MAP4K3: variants seen among roughly 807,000 people sequenced by gnomAD.
The protein encoded by MAP4K3 is mitogen-activated protein kinase kinase kinase kinase 3, also known as MAPK/ERK kinase kinase kinase 3.
Under a neutral mutation model 143.5 loss-of-function variants are expected in MAP4K3, and 94 were observed. The observed-to-expected ratio is 0.65, with a 90% CI of 0.55 to 0.78. MAP4K3 has a LOEUF of 0.78. Among genes scored for constraint, MAP4K3 ranks in the 30% least tolerant of loss-of-function variants. The pLI is 0.00. For synonymous variants in MAP4K3, 416 were observed against 347.2 expected, an observed-to-expected ratio of 1.20 and a Z score of -2.20; for missense variants, 1,077 against 1,068.1, an observed-to-expected ratio of 1.01 and a Z score of -0.12.
intron 4 of MAP4K3, among the ~76,000 whole-genome samples, chr2:39,342,215 T>C (rs1665164264): frequency 6.6e-6 from 1 of 151,990 alleles, no homozygotes; most frequent in Non-Finnish European, 1.5e-5. Context: ...CTTGGCTCAC[T>C]GCAACCTCCG....
At chr2:39,326,655 A>G (rs1454275540) in intron 8 of MAP4K3, among the ~76,000 whole-genome samples, 1 of 152,196 alleles carries the variant, frequency 6.6e-6, no homozygotes, top group Admixed American at 6.5e-5. Flanking sequence ...GGGCAGGGGC[A>G]GAATGATATG....
At chr2:39,257,680 T>C (rs528743093) in intron 31 of MAP4K3, among the ~76,000 whole-genome samples, 2 of 149,998 alleles carry the variant, frequency 1.3e-5, no homozygotes, top group South Asian at 4.2e-4. Flanking sequence ...GCGCCTGTAA[T>C]CCCAGCTACT....
In MAP4K3 at chr2:39,325,773, G is replaced by A. The variant is rs182117796; in HGVS notation, c.764C>T (p.Thr255Ile). ...AGTAGGTCTTTTTTTCGGATTTTTG[G>A]TAAGTGCCATTTTCACAAAGTGATG... is the stretch of plus-strand genomic sequence containing the variant. ...SFHHFVKMALTKNPKKRPTAE... is the reference protein window; with the variant it reads ...SFHHFVKMALIKNPKKRPTAE... The change falls in exon 11 of 34, where the codon ACC (threonine) becomes ATC (isoleucine). Residue 255 changes from threonine to isoleucine, a missense_variant. Physicochemically the swap from Thr to Ile is moderately conservative, Grantham distance 89. This residue lies in a region of MAP4K3 where 864 missense variants were observed against 801.2 expected (regional missense o/e 1.08). Coordinates refer to ENST00000263881, the MANE Select transcript of MAP4K3 (RefSeq NM_003618.4). 9.3e-6 allele frequency: 15 copies of A among 1,609,676 alleles called. No individual in the cohort carries two copies. The highest frequency in any genetic ancestry group is 1.3e-5 in the Non-Finnish European group (15 of 1,178,412).
At chr2:39,369,019 A>AT (rs897837071) in intron 2 of MAP4K3, among the ~76,000 whole-genome samples, 2 of 152,026 alleles carry the variant, frequency 1.3e-5, no homozygotes, top group African/African-American at 4.8e-5. Context: ...CCCTCTGCAC[A>AT]TAACTCAAGC....
At chr2:39,368,843 C>T (rs1665997312) in intron 2 of MAP4K3, among the ~76,000 whole-genome samples, 2 of 152,132 alleles carry the variant, frequency 1.3e-5, no homozygotes, top group South Asian at 4.1e-4. Context: ...TAAACCACAG[C>T]TGTATAAAAC....
intron 14 of MAP4K3, 130 bp downstream of exon 14, chr2:39,309,331 A>G: frequency 1.6e-6 from 1 of 627,414 alleles, no homozygotes; most frequent in Non-Finnish European, 2.7e-6. Context: ...TACTATGTTG[A>G]CCAGGCTGGG....
chr2:39,326,715 T>C (rs1452347208), intron 8 of MAP4K3, among the ~76,000 whole-genome samples: 2 of 152,130 alleles, frequency 1.3e-5, no homozygotes, highest in Non-Finnish European at 2.9e-5. Flanking sequence ...GTAATCCCCA[T>C]GTGTTGAGGG....
chr2:39,279,235 T>C (rs781568171), intron 23 of MAP4K3, among the ~76,000 whole-genome samples: 2 of 152,162 alleles, frequency 1.3e-5, no homozygotes, highest in Non-Finnish European at 2.9e-5. Context: ...CTGAGAACAG[T>C]ATAGAATGCT....
At position 39,373,845 on chromosome 2, in the gene MAP4K3, AC is replaced by A. The variant is rs1339815000; in HGVS notation, c.154+4220del. Among the ~76,000 whole-genome samples the A allele has an allele frequency of 4.6e-5, 7 of 152,180 alleles. No homozygotes were observed. In the East Asian group the frequency reaches 1.3e-3, roughly 29 times the overall value. On this transcript the variant is annotated intron_variant, in intron 2 of 33. Transcript: ENST00000263881. ...AGGGATTTGGAGATGGTTAATTGGT[AC>A]AAAAAATTAGAAAGAATGAATAAGC...
chr2:39,423,445 G>A (rs1664954961), intron 1 of MAP4K3, among the ~76,000 whole-genome samples: 1 of 152,174 alleles, frequency 6.6e-6, no homozygotes, highest in Non-Finnish European at 1.5e-5. Context: ...GAAAATTTAT[G>A]TCCATATAAA....
At position 39,437,211 on chromosome 2, in the gene MAP4K3, G is replaced by A. The variant is rs1665523842; in HGVS notation, c.-224C>T. On this transcript the variant is annotated 5_prime_UTR_variant, in exon 1 of 34. Coordinates refer to ENST00000263881, the MANE Select transcript of MAP4K3 (RefSeq NM_003618.4). ...GCCCCCCGCGGCCCGCCGCCGCGCC[G>A]AACCTGGTCACACCCACAAGGAGAG... The A allele has an allele frequency of 3.1e-6, 1 of 327,676 alleles. No homozygotes were observed. The highest frequency in any genetic ancestry group is 5.5e-6 in the Non-Finnish European group (1 of 183,210). 20.3% of individuals were successfully genotyped at this position (327,676 alleles called of 1,614,324 possible).
In MAP4K3 at chr2:39,272,337, T is replaced by C; in HGVS notation, c.1919A>G (p.Gln640Arg). The change falls in exon 26 of 34, where the codon CAA (glutamine) becomes CGA (arginine). Residue 640 changes from glutamine to arginine, a missense_variant. Transcript: ENST00000263881. ...PGLFDYARQM[Q>R]KLPVAIPAHK... ...TGCTGGAATAGCAACAGGTAACTTT[T>C]GCATTTGTCTTGCATAATCAAAAAG... 6.2e-7 allele frequency: 1 copy of C among 1,613,904 alleles called. No homozygotes were observed. The highest frequency in any genetic ancestry group is 8.5e-7 in the Non-Finnish European group (1 of 1,179,882).
chr2:39,267,323 G>A (rs1680806979), intron 26 of MAP4K3, 76 bp from the exon 27 acceptor site: 2 of 1,139,616 alleles, frequency 1.8e-6, no homozygotes, highest in Non-Finnish European at 2.7e-6. Context: ...TTATAGATCA[G>A]TGCACAAAGG....
intron 1 of MAP4K3, among the ~76,000 whole-genome samples, chr2:39,392,921 C>A (rs1386641307): frequency 2.0e-5 from 3 of 152,140 alleles, no homozygotes; most frequent in African/African-American, 7.2e-5. Context: ...CCAAATAAAT[C>A]TTTGATCTTT....
intron 28 of MAP4K3, among the ~76,000 whole-genome samples, chr2:39,264,411 TATG>T (rs1354008796): frequency 5.3e-5 from 8 of 152,226 alleles, no homozygotes; most frequent in Non-Finnish European, 1.0e-4. Context: ...GTAAAACTGA[TATG>T]AAAACGAAAA....
At chr2:39,414,516 C>T (rs1667315701) in intron 1 of MAP4K3, among the ~76,000 whole-genome samples, 1 of 152,158 alleles carries the variant, frequency 6.6e-6, no homozygotes, top group South Asian at 2.1e-4. Flanking sequence ...ACCCCCACTA[C>T]CACCTGCTTG....
intron 1 of MAP4K3, among the ~76,000 whole-genome samples, chr2:39,415,752 G>A (rs1399847874): frequency 6.6e-6 from 1 of 150,976 alleles, no homozygotes; most frequent in African/African-American, 2.4e-5. Flanking sequence ...AGGAGTTCGA[G>A]ACCAGCCTGG....
intron 1 of MAP4K3, among the ~76,000 whole-genome samples, chr2:39,415,750 G>A (rs1381425184): frequency 1.3e-5 from 2 of 150,746 alleles, no homozygotes; most frequent in African/African-American, 2.4e-5. Flanking sequence ...TCAGGAGTTC[G>A]AGACCAGCCT....
At chr2:39,341,194 T>C (rs1665129630) in intron 4 of MAP4K3, among the ~76,000 whole-genome samples, 1 of 152,168 alleles carries the variant, frequency 6.6e-6, no homozygotes, top group East Asian at 1.9e-4. Context: ...ATAATTAGAC[T>C]GACAGAAGGT....
Sources: gnomAD v4.1 joint callset for allele counts (sites outside exome capture counted in the v4.1 genomes callset) on GRCh38, gnomAD v4.1.1 for gene constraint, gnomAD v4.1.1 regional missense constraint, MANE v1.5 for transcripts, NCBI Gene and HGNC (gene_info 2026-07-23, HGNC 2026-07-21) for gene names.